CPNE2: variants seen among roughly 807,000 people sequenced by gnomAD.
CPNE2 encodes copine 2, also known as copine-2.
CPNE2 carries 42 observed loss-of-function variants against 69.7 expected under a neutral mutation model. The ratio of observed to expected loss-of-function variants is 0.60; its 90% confidence interval spans 0.47 to 0.78. The LOEUF is 0.78. Among genes scored for constraint, CPNE2 ranks in the 30% least tolerant of loss-of-function variants. The probability of loss-of-function intolerance (pLI) is 0.00; values close to 1 mark genes in which losing one functional copy is unlikely to be tolerated. For synonymous variants in CPNE2, 294 were observed against 289.8 expected (o/e 1.01, Z -0.15); for missense variants, 587 against 732.0 (o/e 0.80, Z 2.29).
intron 14 of CPNE2, chr16:57,142,589 G>C (rs1172368514): frequency 6.6e-6 from 1 of 152,308 alleles, no homozygotes; most frequent in Admixed American, 6.5e-5. Flanking sequence ...GAGCCTTGGG[G>C]GGACTCCTAT....
chr16:57,097,431 G>A (rs953245609), intron 1 of CPNE2, among the ~76,000 whole-genome samples: 1 of 152,204 alleles, frequency 6.6e-6, no homozygotes, highest in Non-Finnish European at 1.5e-5. Flanking sequence ...CTCCTGGAAG[G>A]TGGAGACCCA....
chr16:57,115,334 T>A, intron 3 of CPNE2, 142 bp from the exon 4 acceptor site: 1 of 637,672 alleles, frequency 1.6e-6, no homozygotes, highest in East Asian at 2.9e-5. Flanking sequence ...CCCAGGGTGA[T>A]GATGATGCTC....
At chr16:57,099,879 G>A (rs539383126) in intron 1 of CPNE2, among the ~76,000 whole-genome samples, 4 of 150,826 alleles carry the variant, frequency 2.7e-5, no homozygotes, top group African/African-American at 7.3e-5. Context: ...GGATTCAAGC[G>A]ATTCTCCTGC....
At chr16:57,140,606 C>G (rs1338567256) in intron 14 of CPNE2, among the ~76,000 whole-genome samples, 14 of 152,018 alleles carry the variant, frequency 9.2e-5, no homozygotes, top group African/African-American at 3.1e-4. Context: ...ATTCTGTTGC[C>G]CAGGCTGAAG....
intron 7 of CPNE2, among the ~76,000 whole-genome samples, chr16:57,120,150 G>A (rs1201493748): frequency 6.6e-6 from 1 of 152,054 alleles, no homozygotes; most frequent in African/African-American, 2.4e-5. Flanking sequence ...GTGCACGCCT[G>A]TAGTCCCAGC....
At chr16:57,093,005 C>T (rs1393392259) in intron 1 of CPNE2, among the ~76,000 whole-genome samples, 1 of 152,122 alleles carries the variant, frequency 6.6e-6, no homozygotes, top group African/African-American at 2.4e-5. Flanking sequence ...CGCCGGCTCC[C>T]GGACTGCGGG....
At chr16:57,136,594 C>T (rs1338751217) in intron 13 of CPNE2, among the ~76,000 whole-genome samples, 2 of 152,186 alleles carry the variant, frequency 1.3e-5, no homozygotes, top group Non-Finnish European at 2.9e-5. Flanking sequence ...GATTAAACTA[C>T]TTGCCCCAGG....
At chr16:57,117,710 C>A (rs2069730231) in intron 5 of CPNE2, 143 bp downstream of exon 5, 1 of 854,780 alleles carries the variant, frequency 1.2e-6, no homozygotes, top group Admixed American at 2.2e-5. Context: ...CCTGGCCACT[C>A]CAGATTAGGA....
chr16:57,127,295 T>C (rs1449446164), intron 11 of CPNE2, among the ~76,000 whole-genome samples: 3 of 152,072 alleles, frequency 2.0e-5, no homozygotes, highest in Non-Finnish European at 4.4e-5. Flanking sequence ...CACAACAGCA[T>C]TGAAGTTGGA....
intron 1 of CPNE2, among the ~76,000 whole-genome samples, chr16:57,095,290 A>G (rs2069571402): frequency 6.6e-6 from 1 of 152,162 alleles, no homozygotes; most frequent in South Asian, 2.1e-4. Context: ...TCCAGAAGGG[A>G]GGACATAGGG....
chr16:57,119,169 C>T (rs769021467), intron 5 of CPNE2, 26 bp from the exon 6 acceptor site: 1 of 1,604,552 alleles, frequency 6.2e-7, no homozygotes, highest in African/African-American at 1.3e-5. Flanking sequence ...GTACCTCTCT[C>T]ACCCGCATCC....
Position 57,125,925 on chromosome 16 carries a change from C to A in CPNE2, c.993C>A (p.Asn331Lys). The A allele has an allele frequency of 6.2e-7, 1 of 1,614,200 alleles. No individual in the cohort carries two copies. The highest frequency in any genetic ancestry group is 8.5e-7 in the Non-Finnish European group (1 of 1,180,038). Residue 331 changes from asparagine to lysine, a missense_variant, in exon 11 of 16, where the codon AAC (asparagine) becomes AAA (lysine). Physicochemically the swap from Asn to Lys is moderately conservative, Grantham distance 94. This residue lies in a region of CPNE2 where 269 missense variants were observed against 300.5 expected (regional missense o/e 0.90). Transcript: ENST00000290776. Reference sequence around the variant, plus strand: ...ACCCTTCCTCTTTGCACTATATCAACCCTATGGGCACCAACGAATATCTGT... The same window carrying A: ...ACCCTTCCTCTTTGCACTATATCAAACCTATGGGCACCAACGAATATCTGT... ...PLDPSSLHYI[N>K]PMGTNEYLSA...
chr16:57,121,791 G>A (rs1460698741), intron 9 of CPNE2, 31 bp downstream of exon 9: 3 of 1,605,378 alleles, frequency 1.9e-6, no homozygotes, highest in Non-Finnish European at 2.6e-6. Context: ...ACGAGCCAGG[G>A]GCCAGGTTTC....
At chr16:57,127,796 CG>C in intron 11 of CPNE2, 52 bp from the exon 12 acceptor site, 1 of 1,573,620 alleles carries the variant, frequency 6.4e-7, no homozygotes, top group Non-Finnish European at 8.7e-7. Flanking sequence ...GGCAGAGGGT[CG>C]GGTGGTGTCC....
At chr16:57,112,410 A>G (rs2069687349) in intron 2 of CPNE2, among the ~76,000 whole-genome samples, 1 of 151,868 alleles carries the variant, frequency 6.6e-6, no homozygotes, top group Admixed American at 6.5e-5. Context: ...CTCATAGCAC[A>G]ATCCCCCACC....
At chr16:57,114,819 C>T (rs909658270) in intron 3 of CPNE2, among the ~76,000 whole-genome samples, 1 of 150,926 alleles carries the variant, frequency 6.6e-6, no homozygotes, top group Admixed American at 6.6e-5. Flanking sequence ...AAGAATTGGC[C>T]GGGCTCTATA....
At chr16:57,145,890 G>GT (rs1445427497) in intron 14 of CPNE2, 195 bp from the exon 15 acceptor site, 1 of 605,356 alleles carries the variant, frequency 1.7e-6, no homozygotes, top group Non-Finnish European at 3.0e-6. Flanking sequence ...CCAGGTCAGA[G>GT]TTTAGAGCAT....
Position 57,113,308 on chromosome 16 carries a change from G to C in CPNE2, c.201G>C (p.Ala67=), listed in dbSNP as rs775161372. Reference sequence around the variant, plus strand: ...GCTAGTACGACAGGACAGAAACCGCGATCAACAACCTCAACCCCGCCTTCT... The same window carrying C: ...GCTAGTACGACAGGACAGAAACCGCCATCAACAACCTCAACCCCGCCTTCT... ...RWIEYDRTET[A]INNLNPAFSK... Residue 67 remains alanine (A), a synonymous_variant, in exon 3 of 16, where the codon GCG becomes GCC. Transcript: ENST00000290776. 4 of 1,613,998 alleles carry C rather than the reference G, an allele frequency of 2.5e-6. No homozygotes were observed. Among genetic ancestry groups the C allele is most frequent in the South Asian group, 1.1e-5 (1 of 91,066 alleles).
At chr16:57,135,649 G>T (rs1204372089) in intron 13 of CPNE2, among the ~76,000 whole-genome samples, 1 of 151,596 alleles carries the variant, frequency 6.6e-6, no homozygotes, top group African/African-American at 2.4e-5. Context: ...GGCCAAGGTG[G>T]GTAGATCAGA....
Sources: gnomAD v4.1 joint callset for allele counts (sites outside exome capture counted in the v4.1 genomes callset) on GRCh38, gnomAD v4.1.1 for gene constraint, gnomAD v4.1.1 regional missense constraint, MANE v1.5 for transcripts, NCBI Gene and HGNC (gene_info 2026-07-23, HGNC 2026-07-21) for gene names.